ARHGAP36: variants seen among roughly 807,000 people sequenced by gnomAD.
ARHGAP36 encodes the protein rho GTPase-activating protein 36.
A neutral mutation model predicts 32.9 loss-of-function variants in ARHGAP36; 7 were observed. The observed-to-expected ratio is 0.21, with a 90% CI of 0.12 to 0.40. The LOEUF is 0.40. Among genes scored for constraint, ARHGAP36 ranks in the 10% least tolerant of loss-of-function variants. The pLI, the probability that ARHGAP36 is intolerant of heterozygous loss-of-function variation, is 1.00. For synonymous variants in ARHGAP36, 165 were observed against 168.3 expected (o/e 0.98, Z 0.15); for missense variants, 383 against 442.2 (o/e 0.87, Z 1.20).
chrX:131,084,337 G>A lies in ARHGAP36; in HGVS notation c.678G>A (p.Met226Ile), dbSNP rs778740792. 2 of 1,211,752 alleles carry A rather than the reference G, an allele frequency of 1.7e-6. No homozygotes were observed. Among genetic ancestry groups the A allele is most frequent in the Non-Finnish European group, 2.2e-6 (2 of 895,488 alleles). ...GQRLLGSKRK[M>I]SLNPIAKQIP... The stretch of plus-strand genomic sequence containing the variant: ...GACTTCTGGGATCCAAAAGGAAGAT[G>A]AGTCTCAATCCGATTGCGAAACAAA... The change falls in exon 5 of 12, where the codon ATG (methionine) becomes ATA (isoleucine). Residue 226 changes from methionine (M) to isoleucine (I), a missense_variant. Physicochemically the swap from Met to Ile is conservative, Grantham distance 10. Coordinates refer to ENST00000276211, the MANE Select transcript of ARHGAP36 (RefSeq NM_144967.4).
intron 1 of ARHGAP36, among the ~76,000 whole-genome samples, chrX:131,060,117 C>A (rs931847045): frequency 9.0e-6 from 1 of 111,721 alleles, no homozygotes; most frequent in Non-Finnish European, 1.9e-5. Context: ...CCTACTCACC[C>A]TGTTCTTACC....
At chrX:131,083,332 G>C (rs1435691122) in intron 3 of ARHGAP36, 102 bp downstream of exon 3, 5 of 821,274 alleles carry the variant, frequency 6.1e-6, no homozygotes, top group Non-Finnish European at 8.7e-6. Context: ...CACTGTCCCA[G>C]GGGACACTCT....
chrX:131,081,704 A>G lies in ARHGAP36; in HGVS notation c.39A>G (p.Ala13=), dbSNP rs1189836796. 5 of 1,208,381 alleles carry G rather than the reference A, an allele frequency of 4.1e-6. No individual in the cohort carries two copies. The highest frequency in any genetic ancestry group is 5.6e-6 in the Non-Finnish European group (5 of 894,904). ...GCIPFLKAAR[A]LCPRIMPPLL... ...TTCCTTTTCTGAAGGCAGCAAGGGC[A>G]CTGTGCCCCAGAATCATGCCCCCTT... is the stretch of plus-strand genomic sequence containing the variant. The change falls in exon 2 of 12, where the codon GCA becomes GCG. Residue 13 remains alanine, a synonymous_variant. Coordinates refer to ENST00000276211, the MANE Select transcript of ARHGAP36 (RefSeq NM_144967.4).
chrX:131,081,297 GA>G (rs569935261), intron 1 of ARHGAP36, among the ~76,000 whole-genome samples: 1,671 of 97,547 alleles, frequency 0.017, 8 homozygotes, highest in African/African-American at 0.04. Context: ...GTCATGGAAA[GA>G]AAAAAAAAAA....
At chrX:131,078,578 C>G (rs1282701276) in intron 1 of ARHGAP36, 5 of 297,750 alleles carry the variant, frequency 1.7e-5, no homozygotes, top group Non-Finnish European at 2.8e-5. Flanking sequence ...CTTGAAATGT[C>G]AGGCCTGAAG....
chrX:131,064,592 G>A (rs2079687429), intron 1 of ARHGAP36, among the ~76,000 whole-genome samples: 1 of 111,828 alleles, frequency 8.9e-6, no homozygotes, highest in Admixed American at 9.5e-5. Context: ...AGCAATTCTA[G>A]GCAGGTGTTA....
chrX:131,068,437 GAGTA>G (rs2079713087), intron 1 of ARHGAP36, among the ~76,000 whole-genome samples: 2 of 111,988 alleles, frequency 1.8e-5, no homozygotes, highest in Non-Finnish European at 3.8e-5. Context: ...CAAGCAAAGG[GAGTA>G]AGTGAGTTGG....
Position 131,089,811 on chromosome X carries a change from C to G in ARHGAP36, c.*1026C>G, listed in dbSNP as rs938002010. ...CATTTAATGGGTAACAACTGCTGAG[C>G]TCAAAGATTTGTGATTGTTAAAACT... is the stretch of plus-strand genomic sequence containing the variant. On this transcript the variant is annotated 3_prime_UTR_variant, in exon 12 of 12. Coordinates refer to ENST00000276211, the MANE Select transcript of ARHGAP36 (RefSeq NM_144967.4). 4.4e-5 allele frequency: 5 copies of G among 112,375 alleles called. No homozygotes were observed. Among genetic ancestry groups the G allele is most frequent in the African/African-American group, 1.6e-4 (5 of 30,793 alleles). 9.3% of individuals were successfully genotyped at this position (112,375 alleles called of 1,213,427 possible).
chrX:131,086,780 C>A (rs1443972817), intron 11 of ARHGAP36, 115 bp downstream of exon 11: 1 of 554,185 alleles, frequency 1.8e-6, no homozygotes, highest in Non-Finnish European at 2.9e-6. Flanking sequence ...GAAGATGAGT[C>A]CTCTGAGGAA....
chrX:131,064,461 T>C (rs1254436078), intron 1 of ARHGAP36, among the ~76,000 whole-genome samples: 1 of 112,011 alleles, frequency 8.9e-6, no homozygotes, highest in Non-Finnish European at 1.9e-5. Context: ...TGAGACACTC[T>C]GGGCTACATG....
intron 1 of ARHGAP36, among the ~76,000 whole-genome samples, chrX:131,071,264 C>T (rs1370383122): frequency 2.7e-5 from 3 of 110,766 alleles, no homozygotes; most frequent in African/African-American, 9.9e-5. Flanking sequence ...GCTGCTCCCT[C>T]CCTTTCTCCC....
intron 1 of ARHGAP36, among the ~76,000 whole-genome samples, chrX:131,063,557 A>AGGATAAATAGAAG (rs2079680868): frequency 9.0e-6 from 1 of 111,604 alleles, no homozygotes; most frequent in Non-Finnish European, 1.9e-5. Context: ...GGTAGCATGC[A>AGGATAAATAGAAG]GGATAAATAG....
intron 1 of ARHGAP36, among the ~76,000 whole-genome samples, chrX:131,063,650 G>C (rs2079681480): frequency 9.0e-6 from 1 of 110,571 alleles, no homozygotes; most frequent in African/African-American, 3.3e-5. Flanking sequence ...AGCTTTTCCT[G>C]CCATGAATCT....
At chrX:131,079,549 T>C (rs185075089) in intron 1 of ARHGAP36, among the ~76,000 whole-genome samples, 1,158 of 63,522 alleles carry the variant, frequency 0.018, 21 homozygotes, top group African/African-American at 0.055. Flanking sequence ...TTGTTTTTTG[T>C]TTTTTGTTTT....
At chrX:131,061,794 G>GA (rs1812695099) in intron 1 of ARHGAP36, among the ~76,000 whole-genome samples, 3 of 111,367 alleles carry the variant, frequency 2.7e-5, no homozygotes, top group South Asian at 7.5e-4. Context: ...TTCTCCCAAA[G>GA]AAAAAAAATG....
intron 1 of ARHGAP36, among the ~76,000 whole-genome samples, chrX:131,067,739 CAT>C (rs1263138731): frequency 1.8e-5 from 2 of 111,806 alleles, no homozygotes; most frequent in Non-Finnish European, 3.8e-5. Flanking sequence ...ACACCACACA[CAT>C]GAGAACATCA....
At chrX:131,079,562 G>GTTTTTTTTTTTTTTTTTTTTTTTTTT (rs11417328) in intron 1 of ARHGAP36, among the ~76,000 whole-genome samples, 1 of 93,138 alleles carries the variant, frequency 1.1e-5, no homozygotes, top group Non-Finnish European at 2.1e-5. Context: ...TTTGTTTTTT[G>GTTTTTTTTTTTTTTTTTTTTTTTTTT]TTTTTTTTTT....
chrX:131,059,425 T>C (rs1323000954), intron 1 of ARHGAP36, among the ~76,000 whole-genome samples: 1 of 110,001 alleles, frequency 9.1e-6, no homozygotes, highest in East Asian at 2.9e-4. Flanking sequence ...GAGTGCGTCA[T>C]TGGGCACCAG....
intron 8 of ARHGAP36, 31 bp from the exon 9 acceptor site, chrX:131,085,882 C>T (rs764592240): frequency 1.2e-5 from 14 of 1,201,160 alleles, no homozygotes; most frequent in Admixed American, 2.2e-5. Flanking sequence ...ACTACCTCAG[C>T]GTCAATCACT....
Sources: gnomAD v4.1 joint callset for allele counts (sites outside exome capture counted in the v4.1 genomes callset) on GRCh38, gnomAD v4.1.1 for gene constraint, MANE v1.5 for transcripts, NCBI Gene and HGNC (gene_info 2026-07-23, HGNC 2026-07-21) for gene names.